PCDHGB3: variants seen among roughly 807,000 people sequenced by gnomAD.
PCDHGB3 encodes protocadherin gamma-B3.
PCDHGB3 carries 40 observed loss-of-function variants against 59.2 expected under a neutral mutation model. The observed-to-expected ratio is 0.68, with a 90% confidence interval of 0.52 to 0.88. PCDHGB3 has a LOEUF of 0.88. Among genes scored for constraint, PCDHGB3 ranks in the 40% least tolerant of loss-of-function variants. The probability of loss-of-function intolerance (pLI) is 0.00; values close to 1 mark genes in which losing one functional copy is unlikely to be tolerated. For synonymous variants in PCDHGB3, 581 were observed against 503.6 expected (o/e 1.15, Z -2.06); for missense variants, 1,309 against 1,187.9 (o/e 1.10, Z -1.50).
At position 141,409,535 on chromosome 5, in the gene PCDHGB3, A is replaced by G. The variant is rs745624722; in HGVS notation, c.2415+36726A>G. 5 of 1,613,894 alleles carry G rather than the reference A, an allele frequency of 3.1e-6. No homozygotes were observed. The African/African-American group carries it at 4.0e-5, about 13-fold the overall frequency. ...AAGCATCACCTTGTATGTCGCTGAC[A>G]TCAACGACAACGCCCCAGTTTTCGA... On this transcript the variant is annotated intron_variant, in intron 1 of 3. Coordinates refer to ENST00000576222, the MANE Select transcript of PCDHGB3 (RefSeq NM_018924.5).
At chr5:141,488,859 G>A (rs1033425540) in intron 1 of PCDHGB3, among the ~76,000 whole-genome samples, 12 of 152,204 alleles carry the variant, frequency 7.9e-5, no homozygotes, top group African/African-American at 2.9e-4. Context: ...GCAGCACGAA[G>A]TGAGTGGGGA....
rs1384951887 is a variant in PCDHGB3, at chr5:141,465,860, T to C, written c.2416-28947T>C. ...AACTGAGGCTGGGCCCAGTGGCTCA[T>C]GCCTGTAATCCCAGCACTTTGGGAG... On this transcript the variant is annotated intron_variant, in intron 1 of 3. Coordinates refer to ENST00000576222, the MANE Select transcript of PCDHGB3 (RefSeq NM_018924.5). Among the ~76,000 whole-genome samples the C allele has an allele frequency of 2.0e-5, 3 of 152,114 alleles. No individual in the cohort carries two copies. The South Asian group carries it at 6.2e-4, about 32-fold the overall frequency.
chr5:141,436,414 A>G (rs1459862288), intron 1 of PCDHGB3, among the ~76,000 whole-genome samples: 1 of 152,234 alleles, frequency 6.6e-6, no homozygotes, highest in East Asian at 1.9e-4. Flanking sequence ...ATGAATGGAT[A>G]AACAAATAAT....
At chr5:141,453,959 C>A (rs919037104) in intron 1 of PCDHGB3, among the ~76,000 whole-genome samples, 1 of 152,182 alleles carries the variant, frequency 6.6e-6, no homozygotes, top group African/African-American at 2.4e-5. Flanking sequence ...GCACAGACAG[C>A]AAAGCATGTA....
At chr5:141,412,067 G>A (rs1428018643) in intron 1 of PCDHGB3, 2 of 152,170 alleles carry the variant, frequency 1.3e-5, no homozygotes, top group Non-Finnish European at 2.9e-5. Context: ...TTGCATTTGA[G>A]GGAACAATTG....
chr5:141,428,180 C>A, intron 1 of PCDHGB3: 1 of 1,486,268 alleles, frequency 6.7e-7, no homozygotes, highest in Non-Finnish European at 9.2e-7. Flanking sequence ...TGACGGAGGA[C>A]AGCCGCCGCT....
intron 1 of PCDHGB3, chr5:141,409,361 G>A (rs754448763): frequency 6.2e-7 from 1 of 1,613,964 alleles, no homozygotes; most frequent in Non-Finnish European, 8.5e-7. Flanking sequence ...GTGTAATATA[G>A]AAACAGACAT....
At chr5:141,461,663 G>C (rs1230719552) in intron 1 of PCDHGB3, among the ~76,000 whole-genome samples, 1 of 151,984 alleles carries the variant, frequency 6.6e-6, no homozygotes, top group Admixed American at 6.6e-5. Flanking sequence ...TTATTTTAAA[G>C]TTTGTTATTT....
intron 1 of PCDHGB3, among the ~76,000 whole-genome samples, chr5:141,435,367 A>C (rs2097758993): frequency 1.3e-5 from 2 of 152,194 alleles, no homozygotes; most frequent in African/African-American, 4.8e-5. Flanking sequence ...TTTATCACTT[A>C]AATATACAAT....
At chr5:141,375,922 G>A (rs1772046633) in intron 1 of PCDHGB3, 5 of 1,613,646 alleles carry the variant, frequency 3.1e-6, no homozygotes, top group Admixed American at 1.7e-5. Context: ...AGGCCAGCGA[G>A]CCAGGACTTT....
At position 141,493,202 on chromosome 5, in the gene PCDHGB3, A is replaced by G. The variant is rs1246390819; in HGVS notation, c.2416-1605A>G. Among the ~76,000 whole-genome samples, 1 of 152,196 alleles carries G rather than the reference A, an allele frequency of 6.6e-6. No individual in the cohort carries two copies. ...ACTATATAACTCCTTTGAGAACCTC[A>G]TCTCATTTGCTCTTCCCACCATTGC... On this transcript the variant is annotated intron_variant, in intron 1 of 3. Transcript: ENST00000576222. The surrounding 1 kb of genome is among the most constrained non-coding windows in gnomAD (Gnocchi z 4.3).
chr5:141,385,708 A>C (rs1342579594), intron 1 of PCDHGB3: 1 of 259,588 alleles, frequency 3.9e-6, no homozygotes, highest in Non-Finnish European at 6.2e-6. Context: ...TTAGCATTCA[A>C]ATATGTAAAA....
At chr5:141,414,083 G>C (rs964114178) in intron 1 of PCDHGB3, 1 of 1,601,124 alleles carries the variant, frequency 6.2e-7, no homozygotes, top group Non-Finnish European at 8.5e-7. Context: ...AAATATACTG[G>C]AGAAATAAAA....
chr5:141,422,577 T>G, intron 1 of PCDHGB3: 1 of 1,613,848 alleles, frequency 6.2e-7, no homozygotes, highest in Non-Finnish European at 8.5e-7. Context: ...ACGATAACCC[T>G]CCCGTTTTTC....
chr5:141,446,468 A>G (rs2098503159), intron 1 of PCDHGB3, among the ~76,000 whole-genome samples: 1 of 149,982 alleles, frequency 6.7e-6, no homozygotes, highest in African/African-American at 2.5e-5. Flanking sequence ...GTGATTAGAC[A>G]TATGGTCATC....
chr5:141,389,750 C>A (rs751642051), intron 1 of PCDHGB3: 4 of 1,612,642 alleles, frequency 2.5e-6, no homozygotes, highest in African/African-American at 2.7e-5. Context: ...TGCGCACGGG[C>A]GAAGTGCGCA....
chr5:141,388,379 C>T (rs901735153), intron 1 of PCDHGB3: 1 of 1,613,998 alleles, frequency 6.2e-7, no homozygotes, highest in South Asian at 1.1e-5. Flanking sequence ...TTGGTAGCAA[C>T]ACACTGCAGA....
Position 141,486,552 on chromosome 5 carries a change from A to G in PCDHGB3, c.2416-8255A>G. On this transcript the variant is annotated intron_variant, in intron 1 of 3. Coordinates refer to ENST00000576222, the MANE Select transcript of PCDHGB3 (RefSeq NM_018924.5). This position sits in a 1 kb window ranked among gnomAD's most constrained non-coding sequence, Gnocchi z 5.0. ...CCACCCTCTTTCTTTCAGAGGTCAC[A>G]TGAGGTGTTTGTTCCTGAGAACAAT... is the stretch of plus-strand genomic sequence containing the variant. 1 of 1,614,136 alleles carries G rather than the reference A, an allele frequency of 6.2e-7. No homozygotes were observed. The highest frequency in any genetic ancestry group is 2.2e-5 in the East Asian group (1 of 44,882).
At chr5:141,460,989 A>G (rs199888312) in intron 1 of PCDHGB3, among the ~76,000 whole-genome samples, 3,445 of 98,242 alleles carry the variant, frequency 0.035, 55 homozygotes, top group African/African-American at 0.064. Context: ...GTGTGTATAT[A>G]TATATATGTG....
Sources: allele counts gnomAD v4.1 joint callset (sites outside exome capture counted in the v4.1 genomes callset), GRCh38; gene constraint gnomAD v4.1.1; non-coding constraint Gnocchi (gnomAD v3.1); transcripts MANE v1.5; gene names NCBI Gene and HGNC (gene_info 2026-07-23, HGNC 2026-07-21).